Variants in SMYD1 observed in about 807,000 individuals in gnomAD.
The protein encoded by SMYD1 is histone-lysine N-methyltransferase SMYD1.
A neutral mutation model predicts 54.0 loss-of-function variants in SMYD1; 49 were observed. That is an observed-to-expected ratio of 0.91 (90% CI 0.72 to 1.15). The LOEUF is 1.15. SMYD1 is among the 50% of genes most tolerant of loss of function. The probability of loss-of-function intolerance (pLI) is 0.00; values close to 1 mark genes in which losing one functional copy is unlikely to be tolerated. For synonymous variants in SMYD1, 269 were observed against 234.2 expected (o/e 1.15, Z -1.36); for missense variants, 653 against 639.6 (o/e 1.02, Z -0.23).
chr2:88,096,015 A>G (rs1674578034), intron 5 of SMYD1, among the ~76,000 whole-genome samples: 1 of 152,192 alleles, frequency 6.6e-6, no homozygotes, highest in Non-Finnish European at 1.5e-5. Flanking sequence ...AAGCTAACAG[A>G]GCCAGCCTTT....
At chr2:88,073,253 C>T (rs144033638) in intron 1 of SMYD1, among the ~76,000 whole-genome samples, 2 of 152,174 alleles carry the variant, frequency 1.3e-5, no homozygotes, top group Non-Finnish European at 2.9e-5. Context: ...TCTTTTTTAA[C>T]AGCTGTGTAG....
At chr2:88,086,239 C>T (rs887856533) in intron 2 of SMYD1, among the ~76,000 whole-genome samples, 1 of 152,088 alleles carries the variant, frequency 6.6e-6, no homozygotes, top group East Asian at 1.9e-4. Flanking sequence ...TTTCCAACTG[C>T]CTGTGAATCT....
chr2:88,110,380 G>A lies in SMYD1; in HGVS notation c.1341G>A (p.Glu447=), dbSNP rs567345190. Residue 447 remains glutamate (E), a synonymous_variant, in exon 10 of 10, where the codon GAG becomes GAA. Coordinates refer to ENST00000419482, the MANE Select transcript of SMYD1 (RefSeq NM_198274.4). The part of the protein sequence containing the change: ...LEAMRVQTEM[E]LRMFRQNEFM... ...CCATGCGGGTGCAGACGGAGATGGA[G>A]CTACGCATGTTCCGCCAGAACGAAT... 11 of 1,612,964 alleles carry A rather than the reference G, an allele frequency of 6.8e-6. No homozygotes were observed. The highest frequency in any genetic ancestry group is 4.2e-6 in the Non-Finnish European group (5 of 1,179,528).
intron 6 of SMYD1, among the ~76,000 whole-genome samples, chr2:88,100,923 G>A (rs1250772171): frequency 2.0e-5 from 3 of 152,144 alleles, no homozygotes; most frequent in South Asian, 4.1e-4. Context: ...ACTAACTCCC[G>A]GGAGGCCCAG....
chr2:88,087,840 C>T (rs757931581), intron 2 of SMYD1, 22 bp from the exon 3 acceptor site: 2 of 1,535,116 alleles, frequency 1.3e-6, no homozygotes, highest in East Asian at 2.3e-5. Flanking sequence ...GTAGTGGCCT[C>T]CTGACGCTGC....
At chr2:88,080,043 C>T (rs1558848284) in intron 1 of SMYD1, among the ~76,000 whole-genome samples, 1 of 152,138 alleles carries the variant, frequency 6.6e-6, no homozygotes, top group East Asian at 1.9e-4. Context: ...ATTCTGAGGA[C>T]CTTTGGTTAT....
At chr2:88,110,200 A>AGAAGT (rs139694354) in intron 9 of SMYD1, among the ~76,000 whole-genome samples, 154 bp from the exon 10 acceptor site, 1 of 139,090 alleles carries the variant, frequency 7.2e-6, no homozygotes, top group East Asian at 2.1e-4. Flanking sequence ...TTGATGAATG[A>AGAAGT]GTGTGTGTGT....
chr2:88,074,407 G>A (rs1674014547), intron 1 of SMYD1, among the ~76,000 whole-genome samples: 1 of 152,068 alleles, frequency 6.6e-6, no homozygotes, highest in Admixed American at 6.5e-5. Flanking sequence ...CCTCTTATAA[G>A]GACTTGCAAT....
intron 6 of SMYD1, among the ~76,000 whole-genome samples, chr2:88,098,904 A>G (rs1423448846): frequency 2.0e-5 from 3 of 152,186 alleles, no homozygotes; most frequent in African/African-American, 7.2e-5. Context: ...AATTGCCATC[A>G]AAATCTTTCC....
At chr2:88,102,535 A>T (rs1674743198) in intron 6 of SMYD1, among the ~76,000 whole-genome samples, 1 of 152,018 alleles carries the variant, frequency 6.6e-6, no homozygotes, top group African/African-American at 2.4e-5. Context: ...AATTATAATC[A>T]CAAGGAGCCT....
intron 3 of SMYD1, among the ~76,000 whole-genome samples, chr2:88,089,585 GT>G (rs59808789): frequency 0.01 from 1,099 of 106,850 alleles, 9 homozygotes; most frequent in East Asian, 0.061. Context: ...GCTTCTACCT[GT>G]TTTTTTTTTT....
At chr2:88,107,190 G>A (rs1674897540) in intron 8 of SMYD1, among the ~76,000 whole-genome samples, 1 of 151,162 alleles carries the variant, frequency 6.6e-6, no homozygotes, top group East Asian at 1.9e-4. Flanking sequence ...GACAGAGCAA[G>A]ACTGTCTCAA....
rs202165968 is a variant in SMYD1, at chr2:88,087,873, G to T, written c.326G>T (p.Arg109Leu). Residue 109 changes from arginine to leucine, a missense_variant, in exon 3 of 10, where the codon CGC becomes CTC. Physicochemically the swap from Arg to Leu is moderately radical, Grantham distance 102. Coordinates refer to ENST00000419482, the MANE Select transcript of SMYD1 (RefSeq NM_198274.4). The stretch of plus-strand genomic sequence containing the variant: ...TGCCCTTCCCACAGGCTGGCGGCGC[G>T]CATCATGTGGCGGGTGGAGAGAGAA... ...VPNENIRLAA[R>L]IMWRVEREGT... 1.3e-6 allele frequency: 2 copies of T among 1,588,376 alleles called. No individual in the cohort carries two copies. Among genetic ancestry groups the T allele is most frequent in the Non-Finnish European group, 1.7e-6 (2 of 1,166,248 alleles).
In SMYD1 at chr2:88,112,437, G is replaced by A; in HGVS notation, c.*1925G>A. ...GAATGTACTCTGGATCCCTTCCCCT[G>A]CTTTGACCCCCAGACTTTGCTCCAT... is the stretch of plus-strand genomic sequence containing the variant. On this transcript the variant is annotated 3_prime_UTR_variant, in exon 10 of 10. Transcript: ENST00000419482. 2.5e-6 allele frequency: 1 copy of A among 399,528 alleles called. No individual in the cohort carries two copies. Among genetic ancestry groups the A allele is most frequent in the Non-Finnish European group, 4.6e-6 (1 of 219,234 alleles). The allele number at this position is 399,528 out of a possible 1,614,324, so 24.7% of individuals were successfully genotyped here. A position where few individuals can be genotyped will look rare whatever the true frequency, so the allele number is the denominator to read the frequency against.
chr2:88,092,499 C>T (rs10170645), intron 4 of SMYD1, among the ~76,000 whole-genome samples: 52,797 of 152,140 alleles, frequency 0.35, 9,363 homozygotes, highest in Admixed American at 0.4. Context: ...TCCTAGAAGC[C>T]AGACAATGGT....
At chr2:88,106,583 C>G in intron 8 of SMYD1, 95 bp downstream of exon 8, 1 of 1,339,056 alleles carries the variant, frequency 7.5e-7, no homozygotes, top group Non-Finnish European at 1.0e-6. Context: ...CCTCTCCCTC[C>G]TATACCCACA....
intron 8 of SMYD1, among the ~76,000 whole-genome samples, chr2:88,107,871 C>T (rs1674917468): frequency 6.6e-6 from 1 of 152,204 alleles, no homozygotes; most frequent in South Asian, 2.1e-4. Context: ...AAAGGGAATT[C>T]CCTGACCCCT....
At chr2:88,089,928 T>C (rs1674426880) in intron 3 of SMYD1, among the ~76,000 whole-genome samples, 1 of 152,044 alleles carries the variant, frequency 6.6e-6, no homozygotes, top group Admixed American at 6.6e-5. Flanking sequence ...TCTATAGCCT[T>C]GGGGTGAATT....
At position 88,112,238 on chromosome 2, in the gene SMYD1, C is replaced by T. The variant is rs946989738; in HGVS notation, c.*1726C>T. The T allele has an allele frequency of 6.2e-5, 42 of 682,030 alleles. No individual in the cohort carries two copies. Among genetic ancestry groups the T allele is most frequent in the African/African-American group, 5.3e-4 (30 of 56,520 alleles). 42.2% of individuals were successfully genotyped at this position (682,030 alleles called of 1,614,324 possible). ...TTCATATAAAATGTCTCCCCCAAAC[C>T]TTTTTCCCTTCTTTGTCATTGTTAT... On this transcript the variant is annotated 3_prime_UTR_variant, in exon 10 of 10. Coordinates refer to ENST00000419482, the MANE Select transcript of SMYD1 (RefSeq NM_198274.4).
Sources: gnomAD v4.1 joint callset for allele counts (sites outside exome capture counted in the v4.1 genomes callset) on GRCh38, gnomAD v4.1.1 for gene constraint, MANE v1.5 for transcripts, NCBI Gene and HGNC (gene_info 2026-07-23, HGNC 2026-07-21) for gene names.